IPCEF1: variants seen among roughly 807,000 people sequenced by gnomAD.
IPCEF1 encodes interactor protein for cytohesin exchange factors 1.
In IPCEF1, 31 loss-of-function variants were observed where a neutral mutation model predicts 50.9. The ratio of observed to expected loss-of-function variants is 0.61; its 90% CI spans 0.46 to 0.82. The LOEUF (loss-of-function observed/expected upper bound fraction) is 0.82, where lower values mean the gene tolerates loss of function less well. Among genes scored for constraint, IPCEF1 ranks in the 40% least tolerant of loss-of-function variants. The pLI, the probability that IPCEF1 is intolerant of heterozygous loss-of-function variation, is 0.00. For synonymous variants in IPCEF1, 181 were observed against 192.0 expected (o/e 0.94, Z 0.47); for missense variants, 458 against 514.0 (o/e 0.89, Z 1.05).
intron 10 of IPCEF1, among the ~76,000 whole-genome samples, chr6:154,171,632 T>A (rs1423520013): frequency 6.6e-6 from 1 of 152,194 alleles, no homozygotes; most frequent in Non-Finnish European, 1.5e-5. Flanking sequence ...GTGAAATATA[T>A]CTCAATAAAA....
rs1800908282 is a variant in IPCEF1 at position 154,181,881 on chromosome 6, A to G, written c.911-13768T>C. 2.0e-5 allele frequency among the ~76,000 whole-genome samples: 3 copies of G among 152,158 alleles called. No individual in the cohort carries two copies. In the South Asian group the frequency reaches 6.2e-4, roughly 32 times the overall value. ...AAAGCAGAAGGTAATAATCATAAATACATGTGTACAAGACTGCAGCCATGT... is the reference window on the plus strand; with the variant it reads ...AAAGCAGAAGGTAATAATCATAAATGCATGTGTACAAGACTGCAGCCATGT... On this transcript the variant is annotated intron_variant, in intron 10 of 11. Coordinates refer to ENST00000367220, the MANE Select transcript of IPCEF1 (RefSeq NM_001130700.2).
At chr6:154,304,321 C>T (rs563212564) in intron 1 of IPCEF1, among the ~76,000 whole-genome samples, 2 of 152,240 alleles carry the variant, frequency 1.3e-5, no homozygotes, top group South Asian at 4.1e-4. Context: ...TCTGCTCTTC[C>T]TTAAAGAGTA....
chr6:154,220,560 C>T (rs953567070), intron 7 of IPCEF1, among the ~76,000 whole-genome samples: 5 of 152,090 alleles, frequency 3.3e-5, no homozygotes, highest in East Asian at 1.9e-4. Flanking sequence ...GAGAATCATT[C>T]GAACTCAGGA....
At chr6:154,352,649 C>G (rs184167274) in intron 1 of IPCEF1, among the ~76,000 whole-genome samples, 171 of 152,328 alleles carry the variant, frequency 1.1e-3, no homozygotes, top group African/African-American at 3.9e-3. Context: ...AAGACAAAGA[C>G]AGAAGATTCT....
chr6:154,188,153 G>T (rs764124218), intron 10 of IPCEF1, among the ~76,000 whole-genome samples: 3 of 152,130 alleles, frequency 2.0e-5, no homozygotes, highest in Non-Finnish European at 4.4e-5. Context: ...TGACAATTTA[G>T]AAAGTTTGAT....
At chr6:154,165,371 T>C (rs1799343498) in intron 11 of IPCEF1, among the ~76,000 whole-genome samples, 1 of 152,182 alleles carries the variant, frequency 6.6e-6, no homozygotes, top group Non-Finnish European at 1.5e-5. Context: ...AAATAATTAT[T>C]ATACCCTTCC....
At chr6:154,271,176 T>G (rs1436032500) in intron 2 of IPCEF1, among the ~76,000 whole-genome samples, 2 of 149,204 alleles carry the variant, frequency 1.3e-5, no homozygotes, top group Non-Finnish European at 3.0e-5. Flanking sequence ...CTGGGCAACA[T>G]AGCAAGACCC....
rs368445800 is a variant in IPCEF1, at chr6:154,329,617, G to T, written c.-62+27055C>A. Among the ~76,000 whole-genome samples, 43 of 149,012 alleles carry T rather than the reference G, an allele frequency of 2.9e-4. No individual in the cohort carries two copies. The East Asian group carries it at 6.9e-3, about 24-fold the overall frequency. ...AGAAAAAGAAAAAAAAAGAAAGAAA[G>T]AGAGAGAGAGAAAGAAAAAGAAAGA... On this transcript the variant is annotated intron_variant, in intron 1 of 11. Transcript: ENST00000367220.
In IPCEF1 at chr6:154,168,354, G is replaced by A. The variant is rs558416523; in HGVS notation, c.911-241C>T. Among the ~76,000 whole-genome samples, 1 of 152,092 alleles carries A rather than the reference G, an allele frequency of 6.6e-6. No individual in the cohort carries two copies. Among genetic ancestry groups the A allele is most frequent in the East Asian group, 1.9e-4 (1 of 5,180 alleles). Reference sequence around the variant, plus strand: ...AGGAGTTATTCCAAGCCTCTCTCCTGGCTTCAAGTGGTTTTTTGGTTTGTG... The same window carrying A: ...AGGAGTTATTCCAAGCCTCTCTCCTAGCTTCAAGTGGTTTTTTGGTTTGTG... On this transcript the variant is annotated intron_variant, in intron 10 of 11. Transcript: ENST00000367220. The surrounding 1 kb of genome is among the most constrained non-coding windows in gnomAD (Gnocchi z 4.1).
chr6:154,308,552 T>C (rs1782995534), intron 1 of IPCEF1, among the ~76,000 whole-genome samples: 1 of 152,220 alleles, frequency 6.6e-6, no homozygotes, highest in South Asian at 2.1e-4. Context: ...GAGAACAAAG[T>C]ATTCTTTATA....
intron 5 of IPCEF1, among the ~76,000 whole-genome samples, chr6:154,239,815 T>C (rs1780436269): frequency 6.6e-6 from 1 of 152,236 alleles, no homozygotes; most frequent in African/African-American, 2.4e-5. Flanking sequence ...GCAATTCTCT[T>C]GCCTCAGTCT....
chr6:154,311,110 G>T (rs913685088), intron 1 of IPCEF1, among the ~76,000 whole-genome samples: 3 of 152,122 alleles, frequency 2.0e-5, no homozygotes, highest in African/African-American at 7.2e-5. Flanking sequence ...ACAACACATT[G>T]TAACCCATAA....
chr6:154,184,898 T>C (rs1215279311), intron 10 of IPCEF1, among the ~76,000 whole-genome samples: 1 of 151,578 alleles, frequency 6.6e-6, no homozygotes, highest in African/African-American at 2.4e-5. Context: ...TGCCTACCCC[T>C]TTCAGATAAT....
chr6:154,329,399 C>T (rs1292404631), intron 1 of IPCEF1, among the ~76,000 whole-genome samples: 2 of 152,030 alleles, frequency 1.3e-5, no homozygotes, highest in Admixed American at 1.3e-4. Context: ...AGTTTGAGAT[C>T]AGCCTGGGCA....
chr6:154,260,121 A>G (rs1287646679), intron 3 of IPCEF1, among the ~76,000 whole-genome samples: 1 of 152,226 alleles, frequency 6.6e-6, no homozygotes, highest in East Asian at 1.9e-4. Context: ...TGGCGAATGC[A>G]GAGCTGTCTT....
At chr6:154,322,991 T>C (rs1444380546) in intron 1 of IPCEF1, among the ~76,000 whole-genome samples, 1 of 152,162 alleles carries the variant, frequency 6.6e-6, no homozygotes, top group Non-Finnish European at 1.5e-5. Flanking sequence ...TTAGAGGAAT[T>C]TGAACATTAT....
At chr6:154,312,354 CT>C (rs925548268) in intron 1 of IPCEF1, among the ~76,000 whole-genome samples, 5 of 149,180 alleles carry the variant, frequency 3.4e-5, no homozygotes, top group East Asian at 2.0e-4. Context: ...AGAATCAAAA[CT>C]TTTTTTTTTG....
At position 154,190,885 on chromosome 6, in the gene IPCEF1, T is replaced by A. The variant is rs1469177626; in HGVS notation, c.910+8783A>T. ...TCCTGGCTAACACGGTGAAACCCCG[T>A]CTCTACTAAAAACACAAAAAATTAG... On this transcript the variant is annotated intron_variant, in intron 10 of 11. Coordinates refer to ENST00000367220, the MANE Select transcript of IPCEF1 (RefSeq NM_001130700.2). Among the ~76,000 whole-genome samples the A allele has an allele frequency of 3.3e-5, 5 of 152,058 alleles. No individual in the cohort carries two copies. The East Asian group carries it at 5.8e-4, about 18-fold the overall frequency.
intron 3 of IPCEF1, 82 bp downstream of exon 3, chr6:154,265,830 C>G: frequency 1.0e-6 from 1 of 980,716 alleles, no homozygotes; most frequent in South Asian, 1.5e-5. Context: ...AATTGCTAGC[C>G]AAACTTGAAA....
Sources: allele counts gnomAD v4.1 joint callset (sites outside exome capture counted in the v4.1 genomes callset), GRCh38; gene constraint gnomAD v4.1.1; non-coding constraint Gnocchi (gnomAD v3.1); transcripts MANE v1.5; gene names NCBI Gene and HGNC (gene_info 2026-07-23, HGNC 2026-07-21).